Variants in SMAP1 observed in about 807,000 individuals in gnomAD.
The protein encoded by SMAP1 is small ArfGAP 1.
In SMAP1, 24 loss-of-function variants were observed where a neutral mutation model predicts 58.5. The ratio of observed to expected loss-of-function variants is 0.41; its 90% CI spans 0.30 to 0.58. The LOEUF (loss-of-function observed/expected upper bound fraction) is 0.58. SMAP1 is among the 20% of genes least tolerant of loss of function. The pLI, the probability that SMAP1 is intolerant of heterozygous loss-of-function variation, is 0.29. For missense variants in SMAP1, 563 were observed against 566.3 expected (o/e 0.99, Z 0.06); for synonymous variants, 216 against 196.6 (o/e 1.10, Z -0.82).
At chr6:70,671,338 G>A (rs1269284048) in intron 1 of SMAP1, among the ~76,000 whole-genome samples, 1 of 152,104 alleles carries the variant, frequency 6.6e-6, no homozygotes. Context: ...GCTTGTTAAT[G>A]TATATTTCTG....
chr6:70,859,610 GAAGT>G (rs1349451405), intron 10 of SMAP1: 5 of 386,326 alleles, frequency 1.3e-5, no homozygotes, highest in Admixed American at 1.3e-4. Context: ...ACCAATTTTG[GAAGT>G]AAGAGAATCA....
chr6:70,686,379 A>G (rs1766935242), intron 1 of SMAP1, among the ~76,000 whole-genome samples: 1 of 152,198 alleles, frequency 6.6e-6, no homozygotes, highest in Non-Finnish European at 1.5e-5. Flanking sequence ...GTCTGTGAAG[A>G]AAATTGTTTG....
At chr6:70,804,585 A>G (rs1416190574) in intron 6 of SMAP1, among the ~76,000 whole-genome samples, 2 of 152,152 alleles carry the variant, frequency 1.3e-5, no homozygotes, top group Admixed American at 6.5e-5. Flanking sequence ...CAGTTTCTTC[A>G]TAGCATCGAT....
At chr6:70,670,385 C>T (rs969462763) in intron 1 of SMAP1, among the ~76,000 whole-genome samples, 3 of 152,090 alleles carry the variant, frequency 2.0e-5, no homozygotes, top group Admixed American at 6.5e-5. Flanking sequence ...TTTAATTAGA[C>T]TTGATTTCAT....
At chr6:70,767,860 C>A (rs1582143649) in intron 3 of SMAP1, among the ~76,000 whole-genome samples, 3 of 140,306 alleles carry the variant, frequency 2.1e-5, no homozygotes, top group African/African-American at 5.5e-5. Flanking sequence ...CAGTTTTTGC[C>A]CATTCAGTAT....
intron 6 of SMAP1, among the ~76,000 whole-genome samples, chr6:70,833,204 TTAAAAA>T (rs1254064973): frequency 6.6e-6 from 1 of 152,184 alleles, no homozygotes; most frequent in African/African-American, 2.4e-5. Context: ...CTTAAATGTT[TTAAAAA>T]TAAAAATAGT....
chr6:70,769,772 T>C (rs1262862511), intron 3 of SMAP1, among the ~76,000 whole-genome samples: 1 of 152,214 alleles, frequency 6.6e-6, no homozygotes, highest in Non-Finnish European at 1.5e-5. Flanking sequence ...AATATTGTTA[T>C]GTGTGAATTT....
intron 1 of SMAP1, among the ~76,000 whole-genome samples, chr6:70,728,507 G>A (rs1765282891): frequency 1.3e-5 from 2 of 152,218 alleles, no homozygotes; most frequent in African/African-American, 4.8e-5. Context: ...GTATTTGACT[G>A]AGTCATCAGA....
At chr6:70,706,432 A>C (rs1269883100) in intron 1 of SMAP1, among the ~76,000 whole-genome samples, 3 of 151,984 alleles carry the variant, frequency 2.0e-5, no homozygotes. Flanking sequence ...GTCTTTTTTC[A>C]TGGTTTCATA....
chr6:70,687,880 A>G (rs1209324896), intron 1 of SMAP1, among the ~76,000 whole-genome samples: 1 of 152,150 alleles, frequency 6.6e-6, no homozygotes, highest in Non-Finnish European at 1.5e-5. Context: ...ATCTGCCACC[A>G]CAGTCAAGAT....
chr6:70,745,210 G>A (rs1765978636), intron 2 of SMAP1, among the ~76,000 whole-genome samples: 1 of 152,150 alleles, frequency 6.6e-6, no homozygotes, highest in African/African-American at 2.4e-5. Flanking sequence ...GGCTTTTGTT[G>A]CCATTGCTTT....
At chr6:70,763,740 T>C (rs916065438) in intron 3 of SMAP1, among the ~76,000 whole-genome samples, 12 of 152,204 alleles carry the variant, frequency 7.9e-5, no homozygotes, top group South Asian at 2.1e-4. Context: ...TTTGCTGATA[T>C]GGAGAAAGTT....
chr6:70,700,197 C>G (rs921359912), intron 1 of SMAP1, among the ~76,000 whole-genome samples: 2 of 152,222 alleles, frequency 1.3e-5, no homozygotes, highest in African/African-American at 4.8e-5. Context: ...GGCCTGCAAG[C>G]ACCTGCTTCA....
intron 1 of SMAP1, among the ~76,000 whole-genome samples, chr6:70,712,889 G>C (rs1768115892): frequency 1.3e-5 from 2 of 151,004 alleles, no homozygotes; most frequent in South Asian, 4.2e-4. Flanking sequence ...TGCCTTCCGG[G>C]TTCAAGTGAT....
intron 9 of SMAP1, 21 bp from the exon 10 acceptor site, chr6:70,857,901 C>A: frequency 1.2e-6 from 2 of 1,609,966 alleles, no homozygotes; most frequent in Admixed American, 1.7e-5. Flanking sequence ...TGTCTTCATT[C>A]ATTTTCTTTT....
intron 6 of SMAP1, among the ~76,000 whole-genome samples, chr6:70,800,376 G>C (rs1768791798): frequency 1.3e-5 from 2 of 151,816 alleles, no homozygotes; most frequent in African/African-American, 4.8e-5. Context: ...TTTTTCTGTT[G>C]GATTGCCTGC....
chr6:70,766,248 T>G (rs1310363219), intron 3 of SMAP1, among the ~76,000 whole-genome samples: 1 of 152,234 alleles, frequency 6.6e-6, no homozygotes, highest in Non-Finnish European at 1.5e-5. Context: ...TATAATCCTT[T>G]GGGTACATAC....
intron 2 of SMAP1, among the ~76,000 whole-genome samples, chr6:70,732,830 C>G (rs1475616281): frequency 1.3e-5 from 2 of 151,642 alleles, no homozygotes; most frequent in Non-Finnish European, 2.9e-5. Flanking sequence ...TGGAGGGAGC[C>G]TGGGTAAAGA....
In SMAP1 at chr6:70,860,527, T is replaced by C; in HGVS notation, c.*193T>C. Reference sequence around the variant, plus strand: ...GTGAAAAGCAGGTTGATAAATCATTTTATGTCAAGGGCAGCTTTGCTCATA... The same window carrying C: ...GTGAAAAGCAGGTTGATAAATCATTCTATGTCAAGGGCAGCTTTGCTCATA... On this transcript the variant is annotated 3_prime_UTR_variant, in exon 11 of 11. Transcript: ENST00000370455. 1.9e-6 allele frequency: 1 copy of C among 527,356 alleles called. No homozygotes were observed. The highest frequency in any genetic ancestry group is 6.8e-5 in the South Asian group (1 of 14,746). The allele number at this position is 527,356 out of a possible 1,614,324, so 32.7% of individuals were successfully genotyped here. A position where few individuals can be genotyped will look rare whatever the true frequency, so the allele number is the denominator to read the frequency against.
Sources: gnomAD v4.1 joint callset for allele counts (sites outside exome capture counted in the v4.1 genomes callset) on GRCh38, gnomAD v4.1.1 for gene constraint, MANE v1.5 for transcripts, NCBI Gene and HGNC (gene_info 2026-07-23, HGNC 2026-07-21) for gene names.